Variants in TMEM232 observed in about 807,000 individuals in gnomAD.
The protein encoded by TMEM232 is transmembrane protein 232.
Under a neutral mutation model 78.8 loss-of-function variants are expected in TMEM232, and 80 were observed. The ratio of observed to expected loss-of-function variants is 1.01; its 90% CI spans 0.85 to 1.22. The LOEUF (loss-of-function observed/expected upper bound fraction) is 1.22. TMEM232 is among the 50% of genes most tolerant of loss of function. The probability of loss-of-function intolerance (pLI) is 0.00; values close to 1 mark genes in which losing one functional copy is unlikely to be tolerated. For missense variants in TMEM232, 881 were observed against 742.2 expected, an observed-to-expected ratio of 1.19 and a Z score of -2.17; for synonymous variants, 297 against 254.3, an observed-to-expected ratio of 1.17 and a Z score of -1.60.
intron 2 of TMEM232, among the ~76,000 whole-genome samples, chr5:110,665,198 AATTTTGATCTAGTAACAACAC>A (rs1282896490): frequency 6.6e-6 from 1 of 152,206 alleles, no homozygotes; most frequent in Non-Finnish European, 1.5e-5. Context: ...ATTATCAAGA[AATTTTGATCTAGTAACAACAC>A]ATTTTGATCT....
intron 11 of TMEM232, among the ~76,000 whole-genome samples, chr5:110,568,013 A>C (rs1776535747): frequency 6.6e-6 from 1 of 151,918 alleles, no homozygotes; most frequent in South Asian, 2.1e-4. Context: ...ATAGCCCTCA[A>C]ATTAGAGGAT....
At chr5:110,429,720 C>G (rs1757620812) in intron 12 of TMEM232, among the ~76,000 whole-genome samples, 1 of 151,736 alleles carries the variant, frequency 6.6e-6, no homozygotes, top group African/African-American at 2.4e-5. Context: ...TGTCTTCCCC[C>G]CTTATCCCAC....
intron 1 of TMEM232, among the ~76,000 whole-genome samples, chr5:110,687,614 T>G (rs968991116): frequency 6.6e-6 from 1 of 152,122 alleles, no homozygotes; most frequent in Non-Finnish European, 1.5e-5. Flanking sequence ...TGCTTTATAT[T>G]TATATCTATT....
chr5:110,423,267 G>C (rs372989337), intron 13 of TMEM232, among the ~76,000 whole-genome samples: 3 of 152,280 alleles, frequency 2.0e-5, no homozygotes, highest in South Asian at 4.1e-4. Flanking sequence ...TTTGGGAATA[G>C]ACTCATTTAC....
chr5:110,476,499 C>T (rs1160521451), intron 12 of TMEM232, among the ~76,000 whole-genome samples: 1 of 151,982 alleles, frequency 6.6e-6, no homozygotes, highest in African/African-American at 2.4e-5. Context: ...GTATCCCATA[C>T]TGATTTTGTT....
chr5:110,635,922 G>A (rs905596744), intron 5 of TMEM232, among the ~76,000 whole-genome samples: 2 of 151,870 alleles, frequency 1.3e-5, no homozygotes, highest in African/African-American at 4.8e-5. Context: ...TATCTTTTAG[G>A]AAGATAAAGA....
In TMEM232 at chr5:110,472,178, A is replaced by G. The variant is rs567926536; in HGVS notation, c.1704-47262T>C. ...GACTCCACAAAAAACTATTATAACTAATAAACAAATTCAGTAAAGTTTCAG... is the reference window on the plus strand; with the variant it reads ...GACTCCACAAAAAACTATTATAACTGATAAACAAATTCAGTAAAGTTTCAG... On this transcript the variant is annotated intron_variant, in intron 12 of 13. Transcript: ENST00000455884. 4.6e-5 allele frequency among the ~76,000 whole-genome samples: 7 copies of G among 152,114 alleles called. No individual in the cohort carries two copies. In the South Asian group the frequency reaches 1.5e-3, roughly 32 times the overall value.
At chr5:110,417,019 A>G (rs1267499150), downstream of TMEM232, among the ~76,000 whole-genome samples, 1 of 151,926 alleles carries the variant, frequency 6.6e-6, no homozygotes, top group Admixed American at 6.6e-5. Flanking sequence ...AAACCTTAAA[A>G]GTTTTATGAG....
intron 2 of TMEM232, among the ~76,000 whole-genome samples, chr5:110,411,825 A>G (rs955130314): frequency 7.2e-5 from 11 of 152,140 alleles, no homozygotes; most frequent in Admixed American, 3.3e-4. Context: ...TTGTTTGTCT[A>G]TTCATCCACT....
At chr5:110,539,655 G>A (rs1772847838) in intron 11 of TMEM232, among the ~76,000 whole-genome samples, 1 of 152,184 alleles carries the variant, frequency 6.6e-6, no homozygotes, top group African/African-American at 2.4e-5. Flanking sequence ...GCCTTAGAGA[G>A]GGATCTAAGG....
At chr5:110,594,131 G>T (rs1178902409) in intron 10 of TMEM232, among the ~76,000 whole-genome samples, 2 of 151,816 alleles carry the variant, frequency 1.3e-5, no homozygotes, top group Non-Finnish European at 2.9e-5. Flanking sequence ...GGACTGGTTA[G>T]ACAGTGGGTG....
Position 110,568,590 on chromosome 5 carries a change from C to T in TMEM232, c.1312G>A (p.Val438Met). Reference sequence around the variant, plus strand: ...CATGAAATTTTCACCAGGTTATACACTAAGCCATAGTAACCAGTCCAGACT... The same window carrying T: ...CATGAAATTTTCACCAGGTTATACATTAAGCCATAGTAACCAGTCCAGACT... ...QVVWTGYYGL[V>M]YNLVKISWEL... Residue 438 changes from valine (V) to methionine (M), a missense_variant, in exon 11 of 14, where the codon GTG becomes ATG. Val to Met is a conservative substitution (Grantham distance 21, BLOSUM62 1). Transcript: ENST00000455884. 1 of 1,549,064 alleles carries T rather than the reference C, an allele frequency of 6.5e-7. No individual in the cohort carries two copies. Among genetic ancestry groups the T allele is most frequent in the Non-Finnish European group, 8.7e-7 (1 of 1,145,658 alleles).
chr5:110,591,427 A>T (rs1779515136), intron 10 of TMEM232, among the ~76,000 whole-genome samples: 1 of 152,184 alleles, frequency 6.6e-6, no homozygotes, highest in South Asian at 2.1e-4. Flanking sequence ...TACATAAATA[A>T]AGTAAGATTC....
chr5:110,639,649 G>T (rs148728999), intron 4 of TMEM232, among the ~76,000 whole-genome samples: 1,525 of 152,304 alleles, frequency 0.01, 33 homozygotes, highest in African/African-American at 0.034. Context: ...AGGAAATGTA[G>T]CTGTCTTTAC....
At position 110,650,805 on chromosome 5, in the gene TMEM232, A is replaced by G. The variant is rs778074070; in HGVS notation, c.126-8434T>C. Among the ~76,000 whole-genome samples the G allele has an allele frequency of 3.5e-4, 53 of 152,254 alleles. 1 individual carries two copies. Among genetic ancestry groups the G allele is most frequent in the Non-Finnish European group, 6.0e-4 (41 of 68,010 alleles). Reference sequence around the variant, plus strand: ...TTAGGTAAAAATTAGAAAAATATGAATAAAATATGGCCCTTAATAGTCATG... The same window carrying G: ...TTAGGTAAAAATTAGAAAAATATGAGTAAAATATGGCCCTTAATAGTCATG... On this transcript the variant is annotated intron_variant, in intron 2 of 13. Transcript: ENST00000455884.
At chr5:110,401,240 A>G (rs1755580421) in intron 2 of TMEM232, among the ~76,000 whole-genome samples, 4 of 152,060 alleles carry the variant, frequency 2.6e-5, no homozygotes, top group Admixed American at 2.6e-4. Context: ...TGCATATAGT[A>G]AAACACAATA....
chr5:110,704,134 T>C (rs113660267), intron 1 of TMEM232, among the ~76,000 whole-genome samples: 17 of 152,228 alleles, frequency 1.1e-4, no homozygotes, highest in African/African-American at 4.1e-4. Flanking sequence ...TACAGTGCAC[T>C]GCTGAGCAAT....
chr5:110,641,012 A>C lies in TMEM232; in HGVS notation c.238-16T>G. 1 of 1,466,014 alleles carries C rather than the reference A, an allele frequency of 6.8e-7. No individual in the cohort carries two copies. The highest frequency in any genetic ancestry group is 9.1e-7 in the Non-Finnish European group (1 of 1,097,424). 90.8% of individuals were successfully genotyped at this position (1,466,014 alleles called of 1,614,324 possible). On this transcript the variant is annotated splice_polypyrimidine_tract_variant and intron_variant, in intron 3 of 13. Transcript: ENST00000455884. ...CCAATTTTCTCTGTTATGAGGAAGC[A>C]TGAAAAAGACAAATCAAAATGTACA...
At chr5:110,690,974 G>C (rs1439388621) in intron 1 of TMEM232, among the ~76,000 whole-genome samples, 1 of 151,940 alleles carries the variant, frequency 6.6e-6, no homozygotes, top group Admixed American at 6.6e-5. Context: ...GGGACTGTTG[G>C]GGGTGTGGGG....
Sources: allele counts gnomAD v4.1 joint callset (sites outside exome capture counted in the v4.1 genomes callset), GRCh38; gene constraint gnomAD v4.1.1; transcripts MANE v1.5; gene names NCBI Gene and HGNC (gene_info 2026-07-23, HGNC 2026-07-21).